The following KIF16B variants were observed in gnomAD, a reference collection of about 807,000 sequenced individuals.
The protein encoded by KIF16B is kinesin-like protein KIF16B.
In KIF16B, 98 loss-of-function variants were observed where a neutral mutation model predicts 156.3. The ratio of observed to expected loss-of-function variants is 0.63; its 90% CI spans 0.53 to 0.74. The LOEUF is 0.74. Ranked by LOEUF, KIF16B falls within the 30% of genes least tolerant of loss-of-function variation. The probability of loss-of-function intolerance (pLI) is 0.00; values close to 1 mark genes in which losing one functional copy is unlikely to be tolerated. For missense variants in KIF16B, 1,421 were observed against 1,606.5 expected (o/e 0.88, Z 1.97); for synonymous variants, 564 against 583.7 (o/e 0.97, Z 0.49).
chr20:16,345,746 T>C (rs1181988431), intron 23 of KIF16B, among the ~76,000 whole-genome samples: 3 of 152,188 alleles, frequency 2.0e-5, no homozygotes, highest in Non-Finnish European at 4.4e-5. Flanking sequence ...GCTGAGCCAG[T>C]AGGCTGGAGC....
intron 25 of KIF16B, among the ~76,000 whole-genome samples, chr20:16,278,420 A>T (rs897028745): frequency 6.6e-6 from 1 of 152,228 alleles, no homozygotes; most frequent in Admixed American, 6.5e-5. Flanking sequence ...TTGGACCAAT[A>T]CTGATGTAGG....
intron 25 of KIF16B, among the ~76,000 whole-genome samples, chr20:16,309,323 A>C (rs1184963392): frequency 6.6e-6 from 1 of 152,152 alleles, no homozygotes; most frequent in Non-Finnish European, 1.5e-5. Context: ...TACCATCATC[A>C]CATTCTTACT....
At chr20:16,423,458 G>A (rs2066274927) in intron 15 of KIF16B, among the ~76,000 whole-genome samples, 4 of 152,060 alleles carry the variant, frequency 2.6e-5, no homozygotes, top group Non-Finnish European at 5.9e-5. Context: ...ATGTTATATG[G>A]TGTGTACACT....
chr20:16,555,359 T>C (rs1441114782), intron 1 of KIF16B, among the ~76,000 whole-genome samples: 2 of 152,126 alleles, frequency 1.3e-5, no homozygotes, highest in African/African-American at 4.8e-5. Flanking sequence ...ATGCAGGTGG[T>C]TAGTGGCAAT....
chr20:16,311,267 T>C (rs966742882), intron 25 of KIF16B, among the ~76,000 whole-genome samples: 1 of 152,156 alleles, frequency 6.6e-6, no homozygotes, highest in Admixed American at 6.5e-5. Flanking sequence ...GGCGGGAGGA[T>C]GGCTTGAGGT....
intron 6 of KIF16B, among the ~76,000 whole-genome samples, chr20:16,508,455 G>A (rs2068854570): frequency 6.6e-6 from 1 of 152,184 alleles, no homozygotes; most frequent in South Asian, 2.1e-4. Flanking sequence ...TCCACAGATA[G>A]GGGTAGGGGG....
chr20:16,457,746 T>C (rs901458387), intron 12 of KIF16B, among the ~76,000 whole-genome samples: 1 of 152,096 alleles, frequency 6.6e-6, no homozygotes, highest in Non-Finnish European at 1.5e-5. Context: ...TAGTAAGGCC[T>C]GCCCTAGATA....
intron 12 of KIF16B, among the ~76,000 whole-genome samples, chr20:16,448,921 G>A (rs1177978167): frequency 6.6e-6 from 1 of 151,028 alleles, no homozygotes; most frequent in Non-Finnish European, 1.5e-5. Flanking sequence ...CAATTGACAT[G>A]TGAGTGGAAA....
intron 3 of KIF16B, among the ~76,000 whole-genome samples, chr20:16,518,116 G>A (rs1236393424): frequency 1.3e-5 from 2 of 152,078 alleles, no homozygotes; most frequent in East Asian, 1.9e-4. Flanking sequence ...GTCTGGAGGC[G>A]CAGAGACCCA....
chr20:16,514,589 A>AGG (rs1450841222), intron 4 of KIF16B, among the ~76,000 whole-genome samples: 1 of 143,442 alleles, frequency 7.0e-6, no homozygotes, highest in Non-Finnish European at 1.5e-5. Context: ...TAAGAAAAAA[A>AGG]AAAAAAAAAA....
chr20:16,520,714 A>T (rs1044917683), intron 3 of KIF16B, among the ~76,000 whole-genome samples: 1 of 152,076 alleles, frequency 6.6e-6, no homozygotes, highest in Non-Finnish European at 1.5e-5. Flanking sequence ...TGGGTCCCTG[A>T]CCCCTGTGCC....
intron 12 of KIF16B, among the ~76,000 whole-genome samples, chr20:16,462,172 C>T (rs6034483): frequency 0.54 from 82,148 of 151,736 alleles, 23,461 homozygotes; most frequent in African/African-American, 0.74. Flanking sequence ...ACCCAGTGGG[C>T]GGAGGTTGCA....
chr20:16,423,074 G>A (rs2066265243), intron 15 of KIF16B, among the ~76,000 whole-genome samples: 1 of 152,076 alleles, frequency 6.6e-6, no homozygotes, highest in African/African-American at 2.4e-5. Context: ...TGCTGTATGT[G>A]TTTTCATTTT....
intron 10 of KIF16B, among the ~76,000 whole-genome samples, chr20:16,501,646 G>A (rs1310416715): frequency 7.2e-5 from 11 of 152,124 alleles, no homozygotes; most frequent in Admixed American, 6.5e-4. Flanking sequence ...TTTGCATGAT[G>A]GAAGACAACT....
rs113768466 is a variant in KIF16B, at chr20:16,312,279, C to T, written c.3795+56G>A. ...AGTATTTAACAGAAACAATTCTTAC[C>T]GGTCAGATGGTACATTTTCTACATA... On this transcript the variant is annotated intron_variant, in intron 25 of 25. Transcript: ENST00000354981. 6.9e-3 allele frequency: 8,765 copies of T among 1,262,314 alleles called. 118 individuals carry two copies. Among genetic ancestry groups the T allele is most frequent in the South Asian group, 0.034 (2,714 of 80,342 alleles). 78.2% of individuals were successfully genotyped at this position (1,262,314 alleles called of 1,614,324 possible). A position where few individuals can be genotyped will look rare whatever the true frequency, so the allele number is the denominator to read the frequency against.
chr20:16,296,123 T>C (rs2063382699), intron 25 of KIF16B, among the ~76,000 whole-genome samples: 1 of 152,158 alleles, frequency 6.6e-6, no homozygotes, highest in African/African-American at 2.4e-5. Context: ...TGAGAAAATA[T>C]TAAAAGGGTA....
chr20:16,498,703 T>C (rs1227840246), intron 10 of KIF16B, among the ~76,000 whole-genome samples: 1 of 152,026 alleles, frequency 6.6e-6, no homozygotes, highest in Non-Finnish European at 1.5e-5. Context: ...TTCTTAATCT[T>C]TCAGGAGGAC....
intron 22 of KIF16B, among the ~76,000 whole-genome samples, chr20:16,364,804 C>G (rs1175152058): frequency 6.6e-6 from 1 of 152,216 alleles, no homozygotes; most frequent in African/African-American, 2.4e-5. Flanking sequence ...ACATGATCCT[C>G]ATTGTGGCCT....
chr20:16,298,907 T>TAAAAAAAA (rs111405608), intron 25 of KIF16B, among the ~76,000 whole-genome samples: 1 of 138,802 alleles, frequency 7.2e-6, no homozygotes, highest in African/African-American at 2.7e-5. Context: ...TGGTGAGTAA[T>TAAAAAAAA]AAAAAAAAAA....
Sources: allele counts gnomAD v4.1 joint callset (sites outside exome capture counted in the v4.1 genomes callset), GRCh38; gene constraint gnomAD v4.1.1; transcripts MANE v1.5; gene names NCBI Gene and HGNC (gene_info 2026-07-23, HGNC 2026-07-21).